The following ZC3H3 variants were observed in gnomAD, a reference collection of about 807,000 sequenced individuals.
ZC3H3 encodes zinc finger CCCH-type containing 3.
Under a neutral mutation model 77.3 loss-of-function variants are expected in ZC3H3, and 36 were observed. The ratio of observed to expected loss-of-function variants is 0.47; its 90% confidence interval spans 0.36 to 0.61. The LOEUF (loss-of-function observed/expected upper bound fraction) is 0.61, where lower values mean the gene tolerates loss of function less well. Ranked by LOEUF, ZC3H3 falls within the 20% of genes least tolerant of loss-of-function variation. The pLI, the probability that ZC3H3 is intolerant of heterozygous loss-of-function variation, is 0.00. For missense variants in ZC3H3, 1,331 were observed against 1,312.2 expected (o/e 1.01, Z -0.22); for synonymous variants, 626 against 555.2 (o/e 1.13, Z -1.79).
chr8:143,531,121 G>A (rs1037703364), intron 3 of ZC3H3, among the ~76,000 whole-genome samples: 5 of 152,012 alleles, frequency 3.3e-5, no homozygotes, highest in Non-Finnish European at 7.4e-5. Context: ...CACCATGCCC[G>A]GCTAATTCTC....
Position 143,468,209 on chromosome 8 carries a change from C to T in ZC3H3, c.2175G>A (p.Lys725=), listed in dbSNP as rs371111868. 6.2e-7 allele frequency: 1 copy of T among 1,611,826 alleles called. No individual in the cohort carries two copies. The highest frequency in any genetic ancestry group is 8.5e-7 in the Non-Finnish European group (1 of 1,179,032). Reference sequence around the variant, plus strand: ...GCAGGGCCACCAGCGCCGCACTCACCTTCTCCTTGGACACATGGTGGGAGA... The same window carrying T: ...GCAGGGCCACCAGCGCCGCACTCACTTTCTCCTTGGACACATGGTGGGAGA... ...CPFSHHVSKE[K]MPVCSYFLKG... is the part of the protein sequence containing the mutation. Residue 725 remains lysine (K), a splice_region_variant and synonymous_variant, in exon 8 of 12, where the codon AAG becomes AAA. Coordinates refer to ENST00000262577, the MANE Select transcript of ZC3H3 (RefSeq NM_015117.3).
At chr8:143,475,011 C>T (rs150896064) in intron 5 of ZC3H3, among the ~76,000 whole-genome samples, 17 of 152,222 alleles carry the variant, frequency 1.1e-4, no homozygotes, top group African/African-American at 3.9e-4. Flanking sequence ...AGCAACTCTC[C>T]CCCACCCCAC....
intron 3 of ZC3H3, among the ~76,000 whole-genome samples, chr8:143,534,599 G>C (rs1190237670): frequency 6.6e-6 from 1 of 152,088 alleles, no homozygotes; most frequent in Non-Finnish European, 1.5e-5. Flanking sequence ...TGGCCTCCTA[G>C]GGCTCAGCAG....
intron 4 of ZC3H3, among the ~76,000 whole-genome samples, chr8:143,505,622 C>T (rs1243519698): frequency 1.3e-5 from 2 of 152,214 alleles, no homozygotes; most frequent in Non-Finnish European, 2.9e-5. Context: ...GTCCCAGACG[C>T]CTGGCAAGGA....
chr8:143,521,111 CCCAG>C (rs1265851307), intron 3 of ZC3H3, among the ~76,000 whole-genome samples: 12 of 152,280 alleles, frequency 7.9e-5, no homozygotes, highest in Non-Finnish European at 1.5e-4. Context: ...ACAGCCCCTG[CCCAG>C]CCCAGAGGGT....
chr8:143,459,747 A>G (rs993462394), intron 9 of ZC3H3, among the ~76,000 whole-genome samples: 3 of 151,538 alleles, frequency 2.0e-5, no homozygotes, highest in African/African-American at 7.3e-5. Context: ...AAGGCCTGAC[A>G]AAATTCAACA....
Position 143,495,339 on chromosome 8 carries a change from G to A in ZC3H3, c.1715+12407C>T, listed in dbSNP as rs569833515. On this transcript the variant is annotated intron_variant, in intron 4 of 11. Coordinates refer to ENST00000262577, the MANE Select transcript of ZC3H3 (RefSeq NM_015117.3). ...TCTGACTCCATTGACAGAAGCTCCA[G>A]AGCAGGCAGCTAATCCACAGTGAGA... 7.2e-5 allele frequency among the ~76,000 whole-genome samples: 11 copies of A among 152,328 alleles called. No homozygotes were observed. The East Asian group carries it at 1.9e-3, about 27-fold the overall frequency.
intron 3 of ZC3H3, among the ~76,000 whole-genome samples, chr8:143,509,840 C>A (rs1821818236): frequency 6.6e-6 from 1 of 152,214 alleles, no homozygotes; most frequent in African/African-American, 2.4e-5. Context: ...CCAGACCTGG[C>A]CCAGCTCCAT....
chr8:143,500,306 G>C lies in ZC3H3; in HGVS notation c.1715+7440C>G, dbSNP rs188043944. ...GCCTGCTGCCCAGGTATCTGTGGGTGGGGGGAGCCCCACCCATCCAGTGCC... is the reference window on the plus strand; with the variant it reads ...GCCTGCTGCCCAGGTATCTGTGGGTCGGGGGAGCCCCACCCATCCAGTGCC... On this transcript the variant is annotated intron_variant, in intron 4 of 11. Transcript: ENST00000262577. 5.9e-3 allele frequency among the ~76,000 whole-genome samples: 895 copies of C among 152,316 alleles called. 4 individuals carry two copies. Among genetic ancestry groups the C allele is most frequent in the Non-Finnish European group, 9.6e-3 (654 of 68,026 alleles).
intron 4 of ZC3H3, among the ~76,000 whole-genome samples, chr8:143,481,998 C>G (rs1228320264): frequency 2.6e-5 from 4 of 152,258 alleles, no homozygotes; most frequent in African/African-American, 9.6e-5. Flanking sequence ...CCACCCCACC[C>G]TGCCAGTTGG....
chr8:143,491,561 G>A (rs1034646250), intron 4 of ZC3H3, among the ~76,000 whole-genome samples: 3 of 152,368 alleles, frequency 2.0e-5, no homozygotes, highest in South Asian at 4.1e-4. Flanking sequence ...TGCCACACCC[G>A]GCTCGGGGCA....
At chr8:143,484,599 C>T (rs539329370) in intron 4 of ZC3H3, 226 of 161,204 alleles carry the variant, frequency 1.4e-3, no homozygotes, top group Non-Finnish European at 1.4e-3. Context: ...TTCATGGCCC[C>T]GGAGTGCCGA....
chr8:143,499,577 C>T (rs906935847), intron 4 of ZC3H3, among the ~76,000 whole-genome samples: 2 of 152,176 alleles, frequency 1.3e-5, no homozygotes, highest in South Asian at 2.1e-4. Context: ...AAACCAGAAG[C>T]GACAATGCTA....
rs913410783 is a variant in ZC3H3, at chr8:143,520,420, T to C, written c.1562-12521A>G. Among the ~76,000 whole-genome samples, 8 of 152,316 alleles carry C rather than the reference T, an allele frequency of 5.3e-5. No individual in the cohort carries two copies. In the East Asian group the frequency reaches 1.4e-3, roughly 26 times the overall value. On this transcript the variant is annotated intron_variant, in intron 3 of 11. Coordinates refer to ENST00000262577, the MANE Select transcript of ZC3H3 (RefSeq NM_015117.3). ...GAAAGCCTGGGGGTGGTGGAGCCGATGGCCAGCTGCCCACCCTGCGCCCCC... is the reference window on the plus strand; with the variant it reads ...GAAAGCCTGGGGGTGGTGGAGCCGACGGCCAGCTGCCCACCCTGCGCCCCC...
At chr8:143,536,235 AG>A (rs746256177) in intron 3 of ZC3H3, 21 bp downstream of exon 3, 1 of 1,600,970 alleles carries the variant, frequency 6.2e-7, no homozygotes, top group East Asian at 2.2e-5. Context: ...CCCAGTGCCC[AG>A]CGCCCCTGCT....
chr8:143,508,531 C>G (rs1821777797), intron 3 of ZC3H3, among the ~76,000 whole-genome samples: 1 of 152,246 alleles, frequency 6.6e-6, no homozygotes, highest in Non-Finnish European at 1.5e-5. Flanking sequence ...AATCTTTTGC[C>G]CGAGTTCCCT....
chr8:143,476,753 C>T (rs1820745884), intron 4 of ZC3H3, among the ~76,000 whole-genome samples: 1 of 152,256 alleles, frequency 6.6e-6, no homozygotes, highest in African/African-American at 2.4e-5. Context: ...ACGGGCAGCT[C>T]AGGCCTGGCA....
At chr8:143,514,639 C>T (rs1821975569) in intron 3 of ZC3H3, among the ~76,000 whole-genome samples, 2 of 152,218 alleles carry the variant, frequency 1.3e-5, no homozygotes, top group African/African-American at 2.4e-5. Context: ...GTACCCTGCT[C>T]TCGCGCCCCC....
chr8:143,505,477 C>T (rs370369769), intron 4 of ZC3H3, among the ~76,000 whole-genome samples: 2 of 152,200 alleles, frequency 1.3e-5, no homozygotes, highest in Non-Finnish European at 2.9e-5. Flanking sequence ...TGGCAGGTGA[C>T]CCTGGGCGAG....
Sources: gnomAD v4.1 joint callset for allele counts (sites outside exome capture counted in the v4.1 genomes callset) on GRCh38, gnomAD v4.1.1 for gene constraint, MANE v1.5 for transcripts, NCBI Gene and HGNC (gene_info 2026-07-23, HGNC 2026-07-21) for gene names.